Variants in RNF125 observed in about 807,000 individuals in gnomAD.
The protein encoded by RNF125 is E3 ubiquitin-protein ligase RNF125.
RNF125 carries 21 observed loss-of-function variants against 26.0 expected under a neutral mutation model. The observed-to-expected ratio is 0.81, with a 90% CI of 0.57 to 1.16. RNF125 has a LOEUF of 1.16. Among genes scored for constraint, RNF125 ranks in the 50% most tolerant of loss-of-function variants. RNF125 has a pLI of 0.00. For missense variants in RNF125, 270 were observed against 299.4 expected (o/e 0.90, Z 0.72); for synonymous variants, 95 against 109.2 (o/e 0.87, Z 0.81).
At chr18:32,090,657 G>A in the RNF125 span, among the ~76,000 whole-genome samples, 2 of 151,960 alleles carry the variant, frequency 1.3e-5, no homozygotes, top group Non-Finnish European at 2.9e-5. Context: ...TTAATACTTT[G>A]GCAAATACCA....
Position 32,073,037 on chromosome 18 carries a change from A to AT in RNF125, c.*4657dup, listed in dbSNP as rs1347879474. On this transcript the variant is annotated 3_prime_UTR_variant, in exon 6 of 6. Transcript: ENST00000217740. ...TTTGCATTTTTCCAACATTGAAGGT[A>AT]TTTTAAAAAGTCACTAAGAGATTCA... The AT allele has an allele frequency of 1.5e-5, 2 of 134,910 alleles. No homozygotes were observed. Among genetic ancestry groups the AT allele is most frequent in the African/African-American group, 5.9e-5 (2 of 33,898 alleles). The allele number at this position is 134,910 out of a possible 1,614,324, so 8.4% of individuals were successfully genotyped here.
At position 32,032,433 on chromosome 18, in the gene RNF125, G is replaced by A. The variant is rs570160362; in HGVS notation, c.165-4683G>A. ...ACTCTGTGTTGGCCAGGCTGGTCTCGAACTCCTGACCTCAGGTGAGCCACC... is the reference window on the plus strand; with the variant it reads ...ACTCTGTGTTGGCCAGGCTGGTCTCAAACTCCTGACCTCAGGTGAGCCACC... On this transcript the variant is annotated intron_variant, in intron 1 of 5. Transcript: ENST00000217740. Among the ~76,000 whole-genome samples, 7 of 150,978 alleles carry A rather than the reference G, an allele frequency of 4.6e-5. No individual in the cohort carries two copies. In the East Asian group the frequency reaches 1.2e-3, roughly 25 times the overall value.
chr18:32,080,947 G>A, the RNF125 span, among the ~76,000 whole-genome samples: 1 of 152,264 alleles, frequency 6.6e-6, no homozygotes, highest in South Asian at 2.1e-4. Flanking sequence ...AGCACTTTGG[G>A]AGGCTGAGGC....
intron 1 of RNF125, among the ~76,000 whole-genome samples, chr18:32,028,282 A>G (rs1459718158): frequency 7.2e-6 from 1 of 138,102 alleles, no homozygotes; most frequent in Non-Finnish European, 1.5e-5. Flanking sequence ...TGGGCAACAG[A>G]GCGAGACTCC....
At chr18:32,042,406 T>C (rs1479797484) in intron 3 of RNF125, 133 bp downstream of exon 3, 1 of 620,492 alleles carries the variant, frequency 1.6e-6, no homozygotes, top group East Asian at 2.9e-5. Flanking sequence ...TAATACCTGG[T>C]ACTGGTAATC....
At chr18:32,031,060 T>C (rs2039088720) in intron 1 of RNF125, 1 of 151,994 alleles carries the variant, frequency 6.6e-6, no homozygotes, top group South Asian at 2.1e-4. Context: ...CCTAAATGCC[T>C]CCTGAAGGTT....
At chr18:32,033,982 A>G (rs1388966398) in intron 1 of RNF125, among the ~76,000 whole-genome samples, 2 of 152,072 alleles carry the variant, frequency 1.3e-5, no homozygotes, top group African/African-American at 4.8e-5. Flanking sequence ...AAAAAAAAAA[A>G]AGAAAACCAA....
intron 1 of RNF125, among the ~76,000 whole-genome samples, chr18:32,027,582 C>T (rs960139518): frequency 3.3e-5 from 5 of 152,020 alleles, no homozygotes; most frequent in African/African-American, 4.8e-5. Context: ...AGGCAGAGAT[C>T]GGAGAGGAGA....
At position 32,018,933 on chromosome 18, in the gene RNF125, C is replaced by A. The variant is rs1276928422; in HGVS notation, c.70C>A (p.Arg24Ser). ...PASATARALE[R>S]RRDPELPVTS... is the part of the protein sequence containing the mutation. Reference sequence around the variant, plus strand: ...CTCTGCCACCGCGCGGGCCCTGGAGCGCAGGAGGGACCCGGAGTTGCCCGT... The same window carrying A: ...CTCTGCCACCGCGCGGGCCCTGGAGAGCAGGAGGGACCCGGAGTTGCCCGT... The change falls in exon 1 of 6, where the codon CGC becomes AGC. Residue 24 changes from arginine to serine, a missense_variant. Physicochemically the swap from Arg to Ser is moderately radical, Grantham distance 110. Transcript: ENST00000217740. 1 of 1,612,870 alleles carries A rather than the reference C, an allele frequency of 6.2e-7. No homozygotes were observed. Among genetic ancestry groups the A allele is most frequent in the African/African-American group, 1.3e-5 (1 of 74,998 alleles).
intron 2 of RNF125, among the ~76,000 whole-genome samples, chr18:32,040,273 T>TTC (rs1568198305): frequency 7.1e-6 from 1 of 140,146 alleles, no homozygotes; most frequent in African/African-American, 2.6e-5. Context: ...TTCTTTCTTT[T>TTC]TTTTTTTTTT....
intron 4 of RNF125, among the ~76,000 whole-genome samples, chr18:32,061,551 G>T (rs997232664): frequency 6.6e-6 from 1 of 152,162 alleles, no homozygotes; most frequent in Non-Finnish European, 1.5e-5. Context: ...TTACACTGAG[G>T]TTTTTCCATT....
chr18:32,054,086 C>CTTTTTTT (rs35616121), intron 4 of RNF125, among the ~76,000 whole-genome samples: 14 of 88,358 alleles, frequency 1.6e-4, no homozygotes, highest in Non-Finnish European at 2.2e-4. Flanking sequence ...GACATTTGTA[C>CTTTTTTT]TTTTTTTTTT....
At chr18:32,024,956 A>T (rs905303945) in intron 1 of RNF125, among the ~76,000 whole-genome samples, 2 of 151,990 alleles carry the variant, frequency 1.3e-5, no homozygotes, top group Non-Finnish European at 2.9e-5. Flanking sequence ...GGTGGCGCAC[A>T]TGGAGGCTGA....
At chr18:32,068,139 A>G (rs897684544) in intron 5 of RNF125, among the ~76,000 whole-genome samples, 159 bp from the exon 6 acceptor site, 3 of 152,326 alleles carry the variant, frequency 2.0e-5, no homozygotes, top group Non-Finnish European at 4.4e-5. Flanking sequence ...ATTAGCCCCA[A>G]AGCAAAAGTC....
chr18:32,068,495 G>C lies in RNF125; in HGVS notation c.*111G>C. Reference sequence around the variant, plus strand: ...TTGATGGGCAAAAATGTACAACACAGTTATGTGTTTGTCCATGTTTATTGT... The same window carrying C: ...TTGATGGGCAAAAATGTACAACACACTTATGTGTTTGTCCATGTTTATTGT... On this transcript the variant is annotated 3_prime_UTR_variant, in exon 6 of 6. Transcript: ENST00000217740. 1.5e-6 allele frequency: 1 copy of C among 677,670 alleles called. No individual in the cohort carries two copies. Among genetic ancestry groups the C allele is most frequent in the South Asian group, 1.7e-5 (1 of 59,138 alleles). 42.0% of individuals were successfully genotyped at this position (677,670 alleles called of 1,614,324 possible).
At chr18:32,087,734 GTTC>G in the RNF125 span, among the ~76,000 whole-genome samples, 5 of 152,208 alleles carry the variant, frequency 3.3e-5, no homozygotes, top group South Asian at 2.1e-4. Context: ...GCCCCTAAGA[GTTC>G]TTCTTTATGA....
At chr18:32,086,593 G>A in the RNF125 span, among the ~76,000 whole-genome samples, 6 of 151,188 alleles carry the variant, frequency 4.0e-5, no homozygotes, top group South Asian at 1.0e-3. Context: ...TGATCTCAGC[G>A]CATCGCAACC....
the RNF125 span, among the ~76,000 whole-genome samples, chr18:32,082,505 T>C: frequency 1.1e-4 from 17 of 152,326 alleles, no homozygotes; most frequent in South Asian, 3.5e-3. Context: ...TTTTAGGGAA[T>C]AGAGAAGACC....
intron 4 of RNF125, among the ~76,000 whole-genome samples, chr18:32,064,396 C>CTTTTTTTTTTTTTTTTTTT (rs775086863): frequency 2.3e-5 from 2 of 86,862 alleles, no homozygotes; most frequent in Admixed American, 1.6e-4. Flanking sequence ...TTTTCTTTTT[C>CTTTTTTTTTTTTTTTTTTT]TTTTTTTTTT....
Sources: gnomAD v4.1 joint callset for allele counts (sites outside exome capture counted in the v4.1 genomes callset) on GRCh38, gnomAD v4.1.1 for gene constraint, MANE v1.5 for transcripts, NCBI Gene and HGNC (gene_info 2026-07-23, HGNC 2026-07-21) for gene names.